Variants in NKAIN2 observed in about 807,000 individuals in gnomAD.
The protein encoded by NKAIN2 is sodium/potassium-transporting ATPase subunit beta-1-interacting protein 2.
NKAIN2 carries 14 observed loss-of-function variants against 32.6 expected under a neutral mutation model. That is an observed-to-expected ratio of 0.43 (90% confidence interval 0.28 to 0.67). The LOEUF (loss-of-function observed/expected upper bound fraction) is 0.67. Among genes scored for constraint, NKAIN2 ranks in the 30% least tolerant of loss-of-function variants. The probability of loss-of-function intolerance (pLI) is 0.17; values close to 1 mark genes in which losing one functional copy is unlikely to be tolerated. For missense variants in NKAIN2, 198 were observed against 258.3 expected, an observed-to-expected ratio of 0.77 and a Z score of 1.60; for synonymous variants, 80 against 87.2, an observed-to-expected ratio of 0.92 and a Z score of 0.46.
intron 1 of NKAIN2, among the ~76,000 whole-genome samples, chr6:123,958,149 A>G (rs189152131): frequency 6.6e-6 from 1 of 152,156 alleles, no homozygotes; most frequent in Non-Finnish European, 1.5e-5. Context: ...TCCAATAGCT[A>G]GGACACCGAC....
chr6:124,729,822 C>A (rs937907600), intron 4 of NKAIN2, among the ~76,000 whole-genome samples: 1 of 151,854 alleles, frequency 6.6e-6, no homozygotes, highest in Non-Finnish European at 1.5e-5. Flanking sequence ...ATTGTCTCAG[C>A]CTAAAATCTC....
chr6:124,592,648 G>A (rs546565369), intron 3 of NKAIN2, among the ~76,000 whole-genome samples: 1 of 152,292 alleles, frequency 6.6e-6, no homozygotes, highest in African/African-American at 2.4e-5. Context: ...GGCAGTGAAA[G>A]TATTTATTCA....
intron 3 of NKAIN2, among the ~76,000 whole-genome samples, chr6:124,575,865 T>TA (rs1217721233): frequency 6.6e-6 from 1 of 152,184 alleles, no homozygotes; most frequent in Non-Finnish European, 1.5e-5. Flanking sequence ...TCTGTGAGGT[T>TA]AAAAAATATT....
At chr6:124,730,015 C>T (rs1191706478) in intron 4 of NKAIN2, among the ~76,000 whole-genome samples, 1 of 137,714 alleles carries the variant, frequency 7.3e-6, no homozygotes, top group African/African-American at 2.7e-5. Context: ...ATGTGAAGGA[C>T]CTCTTCAAGG....
chr6:124,803,896 A>G (rs1330973735), intron 5 of NKAIN2, among the ~76,000 whole-genome samples: 1 of 152,174 alleles, frequency 6.6e-6, no homozygotes, highest in Non-Finnish European at 1.5e-5. Flanking sequence ...GGAGATCCCA[A>G]TCCTACTCAT....
At chr6:123,910,497 A>ATTTTT (rs1775116027) in intron 1 of NKAIN2, among the ~76,000 whole-genome samples, 3 of 97,816 alleles carry the variant, frequency 3.1e-5, no homozygotes, top group African/African-American at 1.3e-4. Context: ...CCTGCAATGC[A>ATTTTT]TGTTTTTTTT....
At chr6:123,834,821 T>A (rs1400416522) in intron 1 of NKAIN2, among the ~76,000 whole-genome samples, 2 of 152,168 alleles carry the variant, frequency 1.3e-5, no homozygotes, top group East Asian at 3.9e-4. Context: ...TGTACTGATA[T>A]GATCATTTGA....
intron 3 of NKAIN2, among the ~76,000 whole-genome samples, chr6:124,604,170 GAGTT>G (rs1368331669): frequency 2.6e-5 from 4 of 151,966 alleles, no homozygotes; most frequent in Admixed American, 2.6e-4. Context: ...CATACCCACT[GAGTT>G]AGAAACTCCT....
Position 124,806,033 on chromosome 6 carries a change from G to A in NKAIN2, c.536-12354G>A, listed in dbSNP as rs182871779. 2.4e-3 allele frequency among the ~76,000 whole-genome samples: 363 copies of A among 151,502 alleles called. 1 individual carries two copies. Among genetic ancestry groups the A allele is most frequent in the African/African-American group, 8.2e-3 (337 of 41,258 alleles). On this transcript the variant is annotated intron_variant, in intron 5 of 6. Coordinates refer to ENST00000368417, the MANE Select transcript of NKAIN2 (RefSeq NM_001040214.3). ...TCTGATTGGTGTACCTGAAAGTGAC[G>A]GGGAGAACGGAACCAAGTTGGAAAA...
chr6:124,067,514 A>G (rs1481411596), intron 1 of NKAIN2, among the ~76,000 whole-genome samples: 1 of 152,200 alleles, frequency 6.6e-6, no homozygotes, highest in Non-Finnish European at 1.5e-5. Context: ...CCAGATATCT[A>G]ATTACCACAT....
chr6:123,956,504 C>CT (rs1489339818), intron 1 of NKAIN2, among the ~76,000 whole-genome samples: 1 of 152,148 alleles, frequency 6.6e-6, no homozygotes, highest in Non-Finnish European at 1.5e-5. Flanking sequence ...CCTCTGCAAG[C>CT]TGAGGAGGGA....
chr6:124,456,381 C>T (rs1015880258), intron 3 of NKAIN2, among the ~76,000 whole-genome samples: 1 of 151,272 alleles, frequency 6.6e-6, no homozygotes, highest in African/African-American at 2.4e-5. Context: ...AGTCCTTTAC[C>T]CACTCATTCT....
chr6:124,587,998 C>A (rs114676848), intron 3 of NKAIN2, among the ~76,000 whole-genome samples: 1,836 of 150,552 alleles, frequency 0.012, 36 homozygotes, highest in African/African-American at 0.043. Context: ...CTAGAAAACT[C>A]ATTTTTCTGC....
intron 2 of NKAIN2, among the ~76,000 whole-genome samples, chr6:124,345,412 C>T (rs187083233): frequency 1.4e-3 from 219 of 152,282 alleles, no homozygotes; most frequent in Middle Eastern, 3.4e-3. Context: ...GGAATTAGTA[C>T]GAGTTCCTCC....
intron 3 of NKAIN2, among the ~76,000 whole-genome samples, chr6:124,396,084 A>C (rs570636122): frequency 6.6e-6 from 1 of 152,182 alleles, no homozygotes; most frequent in East Asian, 1.9e-4. Context: ...ACATATCTCC[A>C]GGTGCCCTCA....
chr6:124,090,506 G>T (rs1784369452), intron 1 of NKAIN2, among the ~76,000 whole-genome samples: 1 of 151,910 alleles, frequency 6.6e-6, no homozygotes, highest in African/African-American at 2.4e-5. Context: ...TGAGAAAATT[G>T]TCCATCTAGA....
intron 1 of NKAIN2, among the ~76,000 whole-genome samples, chr6:123,820,543 T>C (rs1773880623): frequency 6.6e-6 from 1 of 152,116 alleles, no homozygotes; most frequent in African/African-American, 2.4e-5. Context: ...ACCAGTATGC[T>C]CCCTCTGCCT....
At chr6:124,338,187 TA>T (rs1368450692) in intron 2 of NKAIN2, among the ~76,000 whole-genome samples, 2 of 152,104 alleles carry the variant, frequency 1.3e-5, no homozygotes, top group Non-Finnish European at 2.9e-5. Flanking sequence ...AGAACATAGC[TA>T]AAAGTGATGC....
intron 1 of NKAIN2, among the ~76,000 whole-genome samples, chr6:124,256,298 C>T (rs1235869782): frequency 6.6e-6 from 1 of 152,104 alleles, no homozygotes; most frequent in African/African-American, 2.4e-5. Flanking sequence ...TCATATATTT[C>T]TGTGAAAAAT....
Sources: allele counts gnomAD v4.1 joint callset (sites outside exome capture counted in the v4.1 genomes callset), GRCh38; gene constraint gnomAD v4.1.1; transcripts MANE v1.5; gene names NCBI Gene and HGNC (gene_info 2026-07-23, HGNC 2026-07-21).